The following CDH13 variants were observed in gnomAD, a reference collection of about 807,000 sequenced individuals.
CDH13 encodes the protein cadherin-13.
Under a neutral mutation model 63.8 loss-of-function variants are expected in CDH13, and 24 were observed. That is an observed-to-expected ratio of 0.38 (90% CI 0.27 to 0.53). The LOEUF is 0.53. CDH13 is among the 20% of genes least tolerant of loss of function. The pLI is 0.85. For synonymous variants in CDH13, 503 were observed against 355.3 expected (o/e 1.42, Z -4.67); for missense variants, 1,049 against 903.1 (o/e 1.16, Z -2.07).
intron 5 of CDH13, among the ~76,000 whole-genome samples, chr16:83,282,195 C>A (rs1385978147): frequency 1.3e-5 from 2 of 151,926 alleles, no homozygotes; most frequent in African/African-American, 4.8e-5. Flanking sequence ...TCATGGTACC[C>A]CAAAACAGAT....
At chr16:83,013,628 C>G (rs1914382101) in intron 2 of CDH13, among the ~76,000 whole-genome samples, 1 of 152,184 alleles carries the variant, frequency 6.6e-6, no homozygotes, top group Non-Finnish European at 1.5e-5. Flanking sequence ...AACAGAAAAT[C>G]AGAAAGTCAG....
At chr16:83,444,969 G>A (rs1598036683) in intron 6 of CDH13, among the ~76,000 whole-genome samples, 4 of 152,136 alleles carry the variant, frequency 2.6e-5, no homozygotes, top group Admixed American at 2.0e-4. Context: ...CTTAAGAAAG[G>A]ATGGCATTGT....
chr16:83,420,332 G>T (rs1013968826), intron 6 of CDH13, among the ~76,000 whole-genome samples: 8 of 152,206 alleles, frequency 5.3e-5, no homozygotes, highest in African/African-American at 1.9e-4. Flanking sequence ...AAATTTGGGA[G>T]ATTCGAAGCA....
intron 4 of CDH13, among the ~76,000 whole-genome samples, chr16:83,198,874 T>A (rs527339367): frequency 6.6e-6 from 1 of 152,152 alleles, no homozygotes; most frequent in Admixed American, 6.5e-5. Context: ...AATTAAATAA[T>A]GGGGTTTTTT....
intron 10 of CDH13, among the ~76,000 whole-genome samples, chr16:83,696,096 G>T (rs1255477564): frequency 6.6e-6 from 1 of 151,960 alleles, no homozygotes; most frequent in Non-Finnish European, 1.5e-5. Flanking sequence ...TCGCCATGTT[G>T]CCCAGGTGGT....
intron 1 of CDH13, among the ~76,000 whole-genome samples, chr16:82,841,139 G>A (rs975540065): frequency 7.2e-5 from 11 of 152,204 alleles, no homozygotes; most frequent in African/African-American, 1.7e-4. Context: ...TACCATCCAC[G>A]GAGTGTTGCC....
intron 10 of CDH13, chr16:83,726,002 A>T (rs1910338130): frequency 6.6e-6 from 1 of 152,216 alleles, no homozygotes; most frequent in Non-Finnish European, 1.5e-5. Context: ...TTTATGTAGC[A>T]TTCTTTCCTG....
chr16:83,080,142 A>G (rs1319160912), intron 3 of CDH13, among the ~76,000 whole-genome samples: 5 of 152,160 alleles, frequency 3.3e-5, no homozygotes, highest in Non-Finnish European at 7.3e-5. Flanking sequence ...GGGAGTAACA[A>G]GTGATGTGAT....
At chr16:83,141,958 G>C (rs1171927875) in intron 4 of CDH13, among the ~76,000 whole-genome samples, 1 of 152,092 alleles carries the variant, frequency 6.6e-6, no homozygotes, top group African/African-American at 2.4e-5. Flanking sequence ...GCACACTGCA[G>C]GACCCACCCA....
intron 2 of CDH13, among the ~76,000 whole-genome samples, chr16:82,914,511 C>T (rs1281964212): frequency 6.6e-6 from 1 of 152,208 alleles, no homozygotes; most frequent in African/African-American, 2.4e-5. Flanking sequence ...TCCTGACCAT[C>T]TTCTAACCCT....
At position 83,783,344 on chromosome 16, in the gene CDH13, T is replaced by G; in HGVS notation, c.2006T>G (p.Met669Arg). The change falls in exon 13 of 14, where the codon ATG (methionine) becomes AGG (arginine). Residue 669 changes from methionine (M) to arginine (R), a missense_variant. Met to Arg is a moderately conservative substitution (Grantham distance 91, BLOSUM62 -1). Transcript: ENST00000567109. ...IMVTDSGKPP[M>R]TNITDLRVQV... The stretch of plus-strand genomic sequence containing the variant: ...GTGACAGATTCAGGGAAACCACCCA[T>G]GACGAATATCACAGATCTCAGGGTA... 6.2e-7 allele frequency: 1 copy of G among 1,613,992 alleles called. No individual in the cohort carries two copies. The highest frequency in any genetic ancestry group is 1.1e-5 in the South Asian group (1 of 91,082).
intron 1 of CDH13, among the ~76,000 whole-genome samples, chr16:82,786,499 TGTG>T: frequency 4.0e-5 from 3 of 75,120 alleles, no homozygotes; most frequent in Admixed American, 1.6e-4. Flanking sequence ...TCTTCTTTTG[TGTG>T]TGTGTGTGTG....
At chr16:83,065,729 CA>C (rs57813644) in intron 3 of CDH13, among the ~76,000 whole-genome samples, 90,194 of 144,836 alleles carry the variant, frequency 0.62, 28,538 homozygotes, top group African/African-American at 0.79. Flanking sequence ...AACAAAAAAA[CA>C]AAAAAAAAAA....
At chr16:83,271,568 A>G (rs1329353814) in intron 5 of CDH13, among the ~76,000 whole-genome samples, 1 of 151,882 alleles carries the variant, frequency 6.6e-6, no homozygotes, top group African/African-American at 2.4e-5. Flanking sequence ...TGTCCAGAAA[A>G]GAATAATATA....
chr16:82,930,792 G>C (rs2042466111), intron 2 of CDH13, among the ~76,000 whole-genome samples: 1 of 152,086 alleles, frequency 6.6e-6, no homozygotes, highest in Non-Finnish European at 1.5e-5. Flanking sequence ...AGGTGAGAAG[G>C]GCAGTGGGGA....
intron 8 of CDH13, among the ~76,000 whole-genome samples, chr16:83,658,504 C>T (rs1913102551): frequency 6.8e-6 from 1 of 147,412 alleles, no homozygotes. Context: ...CCAGCAAGGT[C>T]CCATGTCCTC....
chr16:83,485,619 C>A (rs925898872), intron 6 of CDH13, among the ~76,000 whole-genome samples: 4 of 152,158 alleles, frequency 2.6e-5, no homozygotes, highest in South Asian at 2.1e-4. Context: ...TGCCTACTCT[C>A]TTCTTACGGG....
intron 2 of CDH13, among the ~76,000 whole-genome samples, chr16:82,918,743 A>C (rs1230323236): frequency 6.6e-6 from 1 of 151,992 alleles, no homozygotes; most frequent in Non-Finnish European, 1.5e-5. Flanking sequence ...TCCTGACCTC[A>C]GGTGATCTGC....
At chr16:83,734,135 C>T (rs1175933188) in intron 10 of CDH13, among the ~76,000 whole-genome samples, 3 of 152,088 alleles carry the variant, frequency 2.0e-5, no homozygotes, top group African/African-American at 7.2e-5. Context: ...CAAAAGAAGA[C>T]TGGAAGCACA....
Sources: gnomAD v4.1 joint callset for allele counts (sites outside exome capture counted in the v4.1 genomes callset) on GRCh38, gnomAD v4.1.1 for gene constraint, MANE v1.5 for transcripts, NCBI Gene and HGNC (gene_info 2026-07-23, HGNC 2026-07-21) for gene names.